The following MIEF1 variants were observed in gnomAD, a reference collection of about 807,000 sequenced individuals.
The protein encoded by MIEF1 is mitochondrial dynamics protein MIEF1.
In MIEF1, 14 loss-of-function variants were observed where a neutral mutation model predicts 35.1. That is an observed-to-expected ratio of 0.40 (90% confidence interval 0.26 to 0.62). The LOEUF is 0.62. Among genes scored for constraint, MIEF1 ranks in the 20% least tolerant of loss-of-function variants. The pLI, the probability that MIEF1 is intolerant of heterozygous loss-of-function variation, is 0.43. For missense variants in MIEF1, 542 were observed against 615.4 expected (o/e 0.88, Z 1.26); for synonymous variants, 245 against 254.3 (o/e 0.96, Z 0.35).
rs370886904 is a variant in MIEF1, at chr22:39,511,472, G to T, written c.144+34G>T. On this transcript the variant is annotated intron_variant, in intron 3 of 5. Transcript: ENST00000325301. ...ATGCAGCCAGGGCTGGGGGTGGAAT[G>T]TAGTGGTATGGTCATAAGATGTAAT... The T allele has an allele frequency of 1.2e-4, 185 of 1,519,278 alleles. 3 individuals carry two copies. The African/African-American group carries it at 2.0e-3, about 16-fold the overall frequency. 94.1% of individuals were successfully genotyped at this position (1,519,278 alleles called of 1,614,324 possible).
Position 39,510,051 on chromosome 22 carries a change from C to T in MIEF1, c.-7-1237C>T, listed in dbSNP as rs140097852. On this transcript the variant is annotated intron_variant, in intron 2 of 5. Transcript: ENST00000325301. ...TCGGCTCACTGCAACCTCCGCCTTC[C>T]GGGTTCAAGGGATTCTCCTGTCTCA... is the stretch of plus-strand genomic sequence containing the variant. Among the ~76,000 whole-genome samples the T allele has an allele frequency of 5.4e-3, 811 of 151,394 alleles. 7 individuals are homozygous for T. Among genetic ancestry groups the T allele is most frequent in the Non-Finnish European group, 8.2e-3 (558 of 67,778 alleles).
intron 5 of MIEF1, among the ~76,000 whole-genome samples, chr22:39,512,953 T>C (rs910356730): frequency 1.3e-5 from 2 of 152,196 alleles, no homozygotes; most frequent in Non-Finnish European, 2.9e-5. Flanking sequence ...TTATTCTTTA[T>C]TCTTGTGTCT....
intron 2 of MIEF1, among the ~76,000 whole-genome samples, chr22:39,506,153 CT>C (rs897377479): frequency 1.9e-4 from 29 of 152,242 alleles, no homozygotes; most frequent in Non-Finnish European, 2.2e-4. Flanking sequence ...CTACACGCTG[CT>C]ATCACTACCC....
In MIEF1 at chr22:39,514,311, G is replaced by A; in HGVS notation, c.1380G>A (p.Leu460=). The change falls in exon 6 of 6, where the codon CTG becomes CTA. Residue 460 remains leucine, a synonymous_variant. Coordinates refer to ENST00000325301, the MANE Select transcript of MIEF1 (RefSeq NM_019008.6). The part of the protein sequence containing the change: ...LYCSLSEPEV[L]LQT ...GCTCATTGTCTGAGCCAGAGGTGCT[G>A]CTGCAGACGTAGGGCAGGTGAAGGC... The A allele has an allele frequency of 6.2e-7, 1 of 1,613,436 alleles. No individual in the cohort carries two copies. The highest frequency in any genetic ancestry group is 1.1e-5 in the South Asian group (1 of 91,074).
chr22:39,502,610 TG>T (rs1206239955), intron 1 of MIEF1, among the ~76,000 whole-genome samples, 173 bp downstream of exon 1: 1 of 152,066 alleles, frequency 6.6e-6, no homozygotes, highest in Non-Finnish European at 1.5e-5. Flanking sequence ...ACCCCTCGGC[TG>T]CCCCGCCCCG....
rs1405605160 is a variant in MIEF1 at position 39,504,360 on chromosome 22, A to G, written c.-182A>G. On this transcript the variant is annotated 5_prime_UTR_variant, in exon 2 of 6. Transcript: ENST00000325301. Reference sequence around the variant, plus strand: ...CCGCCGTGAATTCCGAAAAAATCAGAAGCTAGAGGACGCTGAGGCCCGGGA... The same window carrying G: ...CCGCCGTGAATTCCGAAAAAATCAGGAGCTAGAGGACGCTGAGGCCCGGGA... 5.0e-6 allele frequency: 2 copies of G among 398,838 alleles called. No individual in the cohort carries two copies. Among genetic ancestry groups the G allele is most frequent in the African/African-American group, 4.1e-5 (2 of 48,568 alleles). 24.7% of individuals were successfully genotyped at this position (398,838 alleles called of 1,614,324 possible). A position where few individuals can be genotyped will look rare whatever the true frequency, so the allele number is the denominator to read the frequency against.
intron 2 of MIEF1, among the ~76,000 whole-genome samples, chr22:39,505,331 T>A (rs556583642): frequency 2.6e-4 from 40 of 152,326 alleles, no homozygotes; most frequent in African/African-American, 9.4e-4. Flanking sequence ...ACGCCAGGCA[T>A]GTACCAATGT....
In MIEF1 at chr22:39,515,248, C is replaced by G. The variant is rs760580493; in HGVS notation, c.*925C>G. On this transcript the variant is annotated 3_prime_UTR_variant, in exon 6 of 6. Transcript: ENST00000325301. ...CAATCAGGACAAGGCCTTGAAGGAA[C>G]GCAGCCTTAGACATCAGGTGAGGAT... 1.4e-6 allele frequency: 1 copy of G among 716,630 alleles called. No individual in the cohort carries two copies. The highest frequency in any genetic ancestry group is 2.6e-6 in the Non-Finnish European group (1 of 384,748). The allele number at this position is 716,630 out of a possible 1,614,324, so 44.4% of individuals were successfully genotyped here.
chr22:39,509,092 T>C (rs191923847), intron 2 of MIEF1, among the ~76,000 whole-genome samples: 113 of 152,178 alleles, frequency 7.4e-4, no homozygotes, highest in Admixed American at 1.5e-3. Flanking sequence ...GTAGCTGGGA[T>C]TACAGGCATG....
In MIEF1 at chr22:39,504,376, A is replaced by G; in HGVS notation, c.-166A>G. 2.5e-6 allele frequency: 1 copy of G among 399,036 alleles called. No homozygotes were observed. The highest frequency in any genetic ancestry group is 4.4e-6 in the Non-Finnish European group (1 of 226,084). 24.7% of individuals were successfully genotyped at this position (399,036 alleles called of 1,614,324 possible). A position where few individuals can be genotyped will look rare whatever the true frequency, so the allele number is the denominator to read the frequency against. ...AAAAATCAGAAGCTAGAGGACGCTG[A>G]GGCCCGGGAGAGGCAGCTGGAGAAG... On this transcript the variant is annotated 5_prime_UTR_variant, in exon 2 of 6. Coordinates refer to ENST00000325301, the MANE Select transcript of MIEF1 (RefSeq NM_019008.6).
intron 5 of MIEF1, among the ~76,000 whole-genome samples, chr22:39,513,040 G>T (rs1930441845): frequency 6.6e-6 from 1 of 151,694 alleles, no homozygotes; most frequent in Admixed American, 6.6e-5. Flanking sequence ...CTATATTCTT[G>T]TGCCCATCTC....
rs977379466 is a variant in MIEF1 at position 39,502,380 on chromosome 22, G to C, written c.-397G>C. 6.6e-6 allele frequency: 1 copy of C among 152,390 alleles called. No individual in the cohort carries two copies. Among genetic ancestry groups the C allele is most frequent in the Non-Finnish European group, 1.5e-5 (1 of 68,158 alleles). The allele number at this position is 152,390 out of a possible 1,614,324, so 9.4% of individuals were successfully genotyped here. On this transcript the variant is annotated 5_prime_UTR_variant, in exon 1 of 6. Transcript: ENST00000325301. ...AGGGGCCATGTTGATGGGTGACCCG[G>C]GGAGAGGTACCCGGCCAGAGGCGAG...
At chr22:39,503,132 A>C (rs1223147218) in intron 1 of MIEF1, 1 of 152,150 alleles carries the variant, frequency 6.6e-6, no homozygotes, top group Non-Finnish European at 1.5e-5. Context: ...AGCACCCAGA[A>C]GTGCTGTACA....
intron 2 of MIEF1, among the ~76,000 whole-genome samples, chr22:39,506,916 C>T (rs911485085): frequency 1.3e-5 from 2 of 152,176 alleles, no homozygotes; most frequent in African/African-American, 2.4e-5. Flanking sequence ...AGTATATTCA[C>T]ATTGTTGGGT....
chr22:39,512,474 A>AGCC lies in MIEF1; in HGVS notation c.566_568dup (p.Ser189_Leu190insArg). ...GCTTCGGGACATGTACTTGAGTGGC[A>AGCC]GCCTCTACGATGACCTGCAGGTAAC... On this transcript the variant is annotated inframe_insertion, in exon 5 of 6. Coordinates refer to ENST00000325301, the MANE Select transcript of MIEF1 (RefSeq NM_019008.6). The AGCC allele has an allele frequency of 6.2e-7, 1 of 1,612,842 alleles. No homozygotes were observed.
chr22:39,511,074 A>G (rs2232085), intron 2 of MIEF1, among the ~76,000 whole-genome samples: 26 of 152,364 alleles, frequency 1.7e-4, no homozygotes, highest in African/African-American at 5.3e-4. Context: ...AAGTTTTCCT[A>G]CAATACCCAA....
chr22:39,506,093 G>GC (rs763230981), intron 2 of MIEF1, among the ~76,000 whole-genome samples: 1 of 152,244 alleles, frequency 6.6e-6, no homozygotes, highest in East Asian at 1.9e-4. Flanking sequence ...GGGAATTAGG[G>GC]CGTTCCTTGA....
At chr22:39,510,790 A>G (rs1267668877) in intron 2 of MIEF1, among the ~76,000 whole-genome samples, 1 of 150,174 alleles carries the variant, frequency 6.7e-6, no homozygotes, top group African/African-American at 2.5e-5. Context: ...GACCTGCATT[A>G]TAACCCCTGT....
intron 2 of MIEF1, among the ~76,000 whole-genome samples, chr22:39,504,990 C>T (rs750108316): frequency 4.6e-5 from 7 of 152,084 alleles, no homozygotes; most frequent in African/African-American, 7.2e-5. Context: ...GTCAGGAGTT[C>T]GAGACCAGCC....
Sources: gnomAD v4.1 joint callset for allele counts (sites outside exome capture counted in the v4.1 genomes callset) on GRCh38, gnomAD v4.1.1 for gene constraint, MANE v1.5 for transcripts, NCBI Gene and HGNC (gene_info 2026-07-23, HGNC 2026-07-21) for gene names.